The following RIPK1 variants were observed in gnomAD, a reference collection of about 807,000 sequenced individuals.
The protein encoded by RIPK1 is receptor interacting serine/threonine kinase 1.
A neutral mutation model predicts 62.4 loss-of-function variants in RIPK1; 27 were observed. That is an observed-to-expected ratio of 0.43 (90% confidence interval 0.32 to 0.60). The LOEUF (loss-of-function observed/expected upper bound fraction) is 0.60, where lower values mean the gene tolerates loss of function less well. RIPK1 is among the 20% of genes least tolerant of loss of function. The probability of loss-of-function intolerance (pLI) is 0.07; values close to 1 mark genes in which losing one functional copy is unlikely to be tolerated. For missense variants in RIPK1, 735 were observed against 831.0 expected (o/e 0.88, Z 1.42); for synonymous variants, 287 against 303.2 (o/e 0.95, Z 0.55).
At chr6:3,083,827 C>A (rs944966123) in intron 5 of RIPK1, among the ~76,000 whole-genome samples, 8 of 152,222 alleles carry the variant, frequency 5.3e-5, no homozygotes, top group Admixed American at 5.2e-4. Flanking sequence ...GTCTCTGGCT[C>A]TGGAATGGAT....
chr6:3,075,899 T>C lies in RIPK1; in HGVS notation c.-60-865T>C, dbSNP rs1391055469. ...CCAAGACAAATATGTTTGTTTGCCA[T>C]GGGCTGCTTTTTTTCTAGTTCATCC... On this transcript the variant is annotated intron_variant, in intron 1 of 10. Transcript: ENST00000259808. Among the ~76,000 whole-genome samples the C allele has an allele frequency of 2.6e-5, 4 of 151,762 alleles. No individual in the cohort carries two copies. The East Asian group carries it at 5.8e-4, about 22-fold the overall frequency.
At position 3,081,249 on chromosome 6, in the gene RIPK1, G is replaced by T. The variant is rs547000067; in HGVS notation, c.459+133G>T. ...GCTTATAACTGTTGATGATGGTGCC[G>T]AAAGGCTCTACCGGTGATTGAGAGG... is the stretch of plus-strand genomic sequence containing the variant. On this transcript the variant is annotated intron_variant, in intron 4 of 10. Transcript: ENST00000259808. The T allele has an allele frequency of 9.1e-6, 9 of 993,904 alleles. No individual in the cohort carries two copies. In the South Asian group the frequency reaches 1.5e-4, roughly 16 times the overall value. 61.6% of individuals were successfully genotyped at this position (993,904 alleles called of 1,614,324 possible).
At chr6:3,102,681 A>C (rs182228870) in intron 7 of RIPK1, among the ~76,000 whole-genome samples, 2 of 152,124 alleles carry the variant, frequency 1.3e-5, no homozygotes, top group East Asian at 3.9e-4. Context: ...GCTCACTGCA[A>C]CCTCCGCCTC....
At chr6:3,084,610 C>T (rs6596946) in intron 5 of RIPK1, among the ~76,000 whole-genome samples, 9,594 of 145,022 alleles carry the variant, frequency 0.066, 731 homozygotes, top group African/African-American at 0.19. Flanking sequence ...TTTTTTTTCC[C>T]GTGAGACAGA....
intron 4 of RIPK1, among the ~76,000 whole-genome samples, 184 bp downstream of exon 4, chr6:3,081,300 G>C (rs1011478889): frequency 1.3e-5 from 2 of 152,234 alleles, no homozygotes; most frequent in African/African-American, 4.8e-5. Context: ...ATGGGATCAG[G>C]AGATAACTGT....
chr6:3,069,649 A>T (rs1751580170), intron 1 of RIPK1, among the ~76,000 whole-genome samples: 1 of 152,230 alleles, frequency 6.6e-6, no homozygotes, highest in African/African-American at 2.4e-5. Flanking sequence ...GCAATGTCTT[A>T]GTACTCATCT....
chr6:3,082,082 G>T (rs559906600), intron 4 of RIPK1, among the ~76,000 whole-genome samples: 1 of 152,070 alleles, frequency 6.6e-6, no homozygotes, highest in African/African-American at 2.4e-5. Context: ...ATTTAGCTAG[G>T]GGGAGTGTCA....
chr6:3,079,967 G>A (rs1759293169), intron 3 of RIPK1, among the ~76,000 whole-genome samples: 1 of 152,212 alleles, frequency 6.6e-6, no homozygotes, highest in Admixed American at 6.5e-5. Flanking sequence ...GACTCAGTCA[G>A]GGCATCAGGA....
intron 7 of RIPK1, among the ~76,000 whole-genome samples, chr6:3,097,386 G>C (rs568543326): frequency 1.6e-4 from 24 of 152,274 alleles, no homozygotes; most frequent in Middle Eastern, 3.4e-3. Context: ...CAGTGGTATT[G>C]GTGTAGGTTG....
At chr6:3,111,462 A>G (rs775978201) in intron 10 of RIPK1, among the ~76,000 whole-genome samples, 2 of 152,020 alleles carry the variant, frequency 1.3e-5, no homozygotes, top group Non-Finnish European at 1.5e-5. Context: ...CATGAGGCCA[A>G]AACGACTTGA....
chr6:3,066,831 G>GTAC (rs1758399844), upstream of RIPK1, among the ~76,000 whole-genome samples: 1 of 152,118 alleles, frequency 6.6e-6, no homozygotes, highest in Non-Finnish European at 1.5e-5. Flanking sequence ...GTATAGAGAT[G>GTAC]TACCCAACCC....
chr6:3,112,209 G>A (rs1409529669), intron 10 of RIPK1, among the ~76,000 whole-genome samples: 1 of 152,174 alleles, frequency 6.6e-6, no homozygotes, highest in African/African-American at 2.4e-5. Context: ...CTCGTCGCTT[G>A]AAAGACAAGG....
At chr6:3,083,369 C>T (rs1315224520) in intron 5 of RIPK1, 56 bp downstream of exon 5, 4 of 1,443,454 alleles carry the variant, frequency 2.8e-6, no homozygotes, top group Admixed American at 2.0e-5. Context: ...CGCACTGTGC[C>T]TGGAACTAAT....
Position 3,076,980 on chromosome 6 carries a change from T to C in RIPK1, c.157T>C (p.Cys53Arg). 1 of 1,444,298 alleles carries C rather than the reference T, an allele frequency of 6.9e-7. No homozygotes were observed. Among genetic ancestry groups the C allele is most frequent in the Non-Finnish European group, 9.4e-7 (1 of 1,059,518 alleles). 89.5% of individuals were successfully genotyped at this position (1,444,298 alleles called of 1,614,324 possible). A position where few individuals can be genotyped will look rare whatever the true frequency, so the allele number is the denominator to read the frequency against. ...GAAAACAGTGTACAAGGGGCCCAACTGCATTGAGTGAGTAGGGAGCAGGGG... is the reference window on the plus strand; with the variant it reads ...GAAAACAGTGTACAAGGGGCCCAACCGCATTGAGTGAGTAGGGAGCAGGGG... ...IMKTVYKGPN[C>R]IEHNEALLEE... The change falls in exon 2 of 11, where the codon TGC becomes CGC. Residue 53 changes from cysteine to arginine, a missense_variant. Physicochemically the swap from Cys to Arg is radical, Grantham distance 180. Transcript: ENST00000259808.
In RIPK1 at chr6:3,102,639, T is replaced by C. The variant is rs111933989; in HGVS notation, c.916-1586T>C. Among the ~76,000 whole-genome samples the C allele has an allele frequency of 5.2e-3, 795 of 152,280 alleles. 7 individuals carry two copies. The highest frequency in any genetic ancestry group is 0.019 in the African/African-American group (779 of 41,562). On this transcript the variant is annotated intron_variant, in intron 7 of 10. Coordinates refer to ENST00000259808, the MANE Select transcript of RIPK1 (RefSeq NM_001354930.2). The stretch of plus-strand genomic sequence containing the variant: ...TTTCTGAGACAGAGTCTCCCTCTGT[T>C]GCCCAGGCTGGAATGCAGTGGCACC...
At chr6:3,090,606 A>G (rs1370793449) in intron 7 of RIPK1, among the ~76,000 whole-genome samples, 1 of 152,150 alleles carries the variant, frequency 6.6e-6, no homozygotes, top group African/African-American at 2.4e-5. Flanking sequence ...AAAACAGACA[A>G]ATCCACAATT....
At chr6:3,086,702 T>A (rs1759711773) in intron 6 of RIPK1, among the ~76,000 whole-genome samples, 1 of 152,252 alleles carries the variant, frequency 6.6e-6, no homozygotes. Flanking sequence ...CCAGTGCTTC[T>A]GTGTGTTCAG....
intron 9 of RIPK1, among the ~76,000 whole-genome samples, chr6:3,109,086 A>G (rs1013700494): frequency 3.3e-5 from 5 of 152,190 alleles, no homozygotes; most frequent in Admixed American, 2.6e-4. Context: ...AATGTCATTG[A>G]GCCCATGCCC....
Position 3,083,140 on chromosome 6 carries a change from A to G in RIPK1, c.515A>G (p.Glu172Gly). Residue 172 changes from glutamate to glycine, a missense_variant, in exon 5 of 11, where the codon GAG becomes GGG. Physicochemically the swap from Glu to Gly is moderately conservative, Grantham distance 98. This residue lies in a region of RIPK1 where 671 missense variants were observed against 726.2 expected (regional missense o/e 0.92). Coordinates refer to ENST00000259808, the MANE Select transcript of RIPK1 (RefSeq NM_001354930.2). ...FKMWSKLNNE[E>G]HNELREVDGT... Reference sequence around the variant, plus strand: ...ATGTGGAGCAAACTGAATAATGAAGAGCACAATGAGCTGAGGGAAGTGGAC... The same window carrying G: ...ATGTGGAGCAAACTGAATAATGAAGGGCACAATGAGCTGAGGGAAGTGGAC... 2 of 1,614,042 alleles carry G rather than the reference A, an allele frequency of 1.2e-6. No individual in the cohort carries two copies. Among genetic ancestry groups the G allele is most frequent in the Non-Finnish European group, 1.7e-6 (2 of 1,179,956 alleles).
Sources: gnomAD v4.1 joint callset for allele counts (sites outside exome capture counted in the v4.1 genomes callset) on GRCh38, gnomAD v4.1.1 for gene constraint, gnomAD v4.1.1 regional missense constraint, MANE v1.5 for transcripts, NCBI Gene and HGNC (gene_info 2026-07-23, HGNC 2026-07-21) for gene names.